CALN1: variants seen among roughly 807,000 people sequenced by gnomAD.
The protein encoded by CALN1 is calneuron 1.
Under a neutral mutation model 30.6 loss-of-function variants are expected in CALN1, and 17 were observed. That is an observed-to-expected ratio of 0.56 (90% CI 0.38 to 0.83). The LOEUF (loss-of-function observed/expected upper bound fraction) is 0.83. CALN1 is among the 40% of genes least tolerant of loss of function. The pLI, the probability that CALN1 is intolerant of heterozygous loss-of-function variation, is 0.00. For missense variants in CALN1, 291 were observed against 354.9 expected (o/e 0.82, Z 1.45); for synonymous variants, 156 against 131.4 (o/e 1.19, Z -1.28).
At chr7:71,986,253 G>A (rs1420073165) in intron 5 of CALN1, among the ~76,000 whole-genome samples, 2 of 152,000 alleles carry the variant, frequency 1.3e-5, no homozygotes, top group African/African-American at 2.4e-5. Flanking sequence ...TCACCATGTT[G>A]GTCATGCTGG....
At chr7:72,399,194 C>T (rs1443245620) in intron 2 of CALN1, among the ~76,000 whole-genome samples, 2 of 151,508 alleles carry the variant, frequency 1.3e-5, no homozygotes, top group South Asian at 2.1e-4. Context: ...GGACAATGGG[C>T]TGCAAGGCTG....
chr7:71,816,433 G>A (rs530644392), intron 5 of CALN1, among the ~76,000 whole-genome samples: 2 of 152,230 alleles, frequency 1.3e-5, no homozygotes, highest in East Asian at 1.9e-4. Context: ...TGAAGAGGAT[G>A]ATTTACAGAT....
In CALN1 at chr7:71,929,249, T is replaced by C. The variant is rs116769001; in HGVS notation, c.501+94408A>G. On this transcript the variant is annotated intron_variant, in intron 5 of 6. Transcript: ENST00000395275. ...ACCTAGATATTCAGCCCAGAATCCA[T>C]TAGCTATTCTTCCTGATGCCCTCCC... 3.6e-3 allele frequency among the ~76,000 whole-genome samples: 544 copies of C among 152,238 alleles called. 2 individuals carry two copies. The highest frequency in any genetic ancestry group is 0.012 in the African/African-American group (515 of 41,554).
At chr7:72,311,375 G>C (rs1232526308) in intron 2 of CALN1, among the ~76,000 whole-genome samples, 1 of 152,178 alleles carries the variant, frequency 6.6e-6, no homozygotes, top group Non-Finnish European at 1.5e-5. Flanking sequence ...GCTATTAGTA[G>C]TTAAGTTTTG....
chr7:72,160,472 T>A (rs1012738541), intron 3 of CALN1, among the ~76,000 whole-genome samples: 1 of 151,480 alleles, frequency 6.6e-6, no homozygotes, highest in Non-Finnish European at 1.5e-5. Context: ...AGAGATGGGG[T>A]TTCACCATGT....
intron 3 of CALN1, among the ~76,000 whole-genome samples, chr7:72,145,966 G>A (rs200211034): frequency 9.9e-5 from 15 of 152,122 alleles, no homozygotes; most frequent in East Asian, 5.8e-4. Context: ...TTGATGGGAC[G>A]TATCTCAAAA....
intron 3 of CALN1, among the ~76,000 whole-genome samples, chr7:72,249,719 T>C (rs927258045): frequency 1.2e-4 from 18 of 152,104 alleles, no homozygotes; most frequent in Non-Finnish European, 2.1e-4. Context: ...GGCAGATCAC[T>C]TGAGGTCAGG....
intron 3 of CALN1, among the ~76,000 whole-genome samples, chr7:72,243,416 G>T (rs1794968632): frequency 6.6e-6 from 1 of 152,126 alleles, no homozygotes; most frequent in Non-Finnish European, 1.5e-5. Context: ...AAGTAATTTT[G>T]ATTATTTTCC....
At chr7:72,426,732 C>A (rs1387193349) in intron 1 of CALN1, among the ~76,000 whole-genome samples, 2 of 152,216 alleles carry the variant, frequency 1.3e-5, no homozygotes, top group African/African-American at 4.8e-5. Flanking sequence ...TGTATTTATC[C>A]CCCTGAGGAG....
intron 4 of CALN1, among the ~76,000 whole-genome samples, chr7:72,031,569 GTT>G (rs2129531998): frequency 6.6e-6 from 1 of 152,078 alleles, no homozygotes; most frequent in South Asian, 2.1e-4. Context: ...AATCTTAATT[GTT>G]TTGTTTTCTG....
chr7:72,198,425 T>C (rs1422857112), intron 3 of CALN1, among the ~76,000 whole-genome samples: 2 of 152,244 alleles, frequency 1.3e-5, no homozygotes, highest in South Asian at 2.1e-4. Flanking sequence ...ATCACTGTTA[T>C]CAAGCCATAC....
chr7:72,367,108 A>G (rs997448530), intron 2 of CALN1, among the ~76,000 whole-genome samples: 3 of 128,784 alleles, frequency 2.3e-5, no homozygotes, highest in African/African-American at 7.8e-5. Context: ...TATTTTAATA[A>G]TAAAAAAAAA....
chr7:72,285,755 G>A (rs960094751), intron 2 of CALN1, among the ~76,000 whole-genome samples: 2 of 152,128 alleles, frequency 1.3e-5, no homozygotes, highest in African/African-American at 4.8e-5. Context: ...AAGAGCTTAA[G>A]ATTTCTTAAA....
intron 2 of CALN1, among the ~76,000 whole-genome samples, chr7:72,329,443 A>G (rs1439769275): frequency 6.6e-6 from 1 of 152,124 alleles, no homozygotes; most frequent in African/African-American, 2.4e-5. Flanking sequence ...ATCAAACCCA[A>G]ACTCCACAGG....
intron 3 of CALN1, among the ~76,000 whole-genome samples, chr7:72,218,747 A>G (rs1170919379): frequency 6.6e-6 from 1 of 152,242 alleles, no homozygotes; most frequent in Non-Finnish European, 1.5e-5. Context: ...GTGGTCATTA[A>G]GACCTTCTTA....
chr7:72,156,191 T>C (rs1787665809), intron 3 of CALN1, among the ~76,000 whole-genome samples: 1 of 152,062 alleles, frequency 6.6e-6, no homozygotes, highest in Non-Finnish European at 1.5e-5. Context: ...TGGAAGGCCA[T>C]CAGGGTCCAG....
intron 2 of CALN1, among the ~76,000 whole-genome samples, chr7:72,314,346 TATACATATATATAC>T (rs1295434172): frequency 1.5e-5 from 2 of 130,958 alleles, no homozygotes; most frequent in African/African-American, 3.3e-5. Context: ...AACATATATA[TATACATATATATAC>T]ATATACATAT....
At chr7:72,161,126 T>C (rs1788078985) in intron 3 of CALN1, among the ~76,000 whole-genome samples, 1 of 152,178 alleles carries the variant, frequency 6.6e-6, no homozygotes, top group Non-Finnish European at 1.5e-5. Flanking sequence ...TCAACAGCCA[T>C]TTTTTGACCA....
intron 6 of CALN1, among the ~76,000 whole-genome samples, chr7:71,801,123 C>T (rs964992374): frequency 1.2e-4 from 19 of 152,126 alleles, no homozygotes; most frequent in African/African-American, 4.6e-4. Flanking sequence ...TTCATCCATG[C>T]CCCTGCAAAA....
Sources: gnomAD v4.1 joint callset for allele counts (sites outside exome capture counted in the v4.1 genomes callset) on GRCh38, gnomAD v4.1.1 for gene constraint, MANE v1.5 for transcripts, NCBI Gene and HGNC (gene_info 2026-07-23, HGNC 2026-07-21) for gene names.